The following SUMF1 variants were observed in gnomAD, a reference collection of about 807,000 sequenced individuals.
SUMF1 encodes the protein formylglycine-generating enzyme.
SUMF1 carries 48 observed loss-of-function variants against 47.6 expected under a neutral mutation model. The ratio of observed to expected loss-of-function variants is 1.01; its 90% confidence interval spans 0.80 to 1.28. SUMF1 has a LOEUF of 1.28. SUMF1 is among the 50% of genes most tolerant of loss of function. SUMF1 has a pLI of 0.00. For missense variants in SUMF1, 571 were observed against 485.4 expected (o/e 1.18, Z -1.66); for synonymous variants, 230 against 192.1 (o/e 1.20, Z -1.63).
At chr3:4,211,157 T>TACAC (rs1559569779) in intron 8 of SUMF1, among the ~76,000 whole-genome samples, 21 of 130,650 alleles carry the variant, frequency 1.6e-4, no homozygotes, top group African/African-American at 6.1e-4. Context: ...TACATATATA[T>TACAC]ACATATATAT....
chr3:4,313,770 G>A, intron 8 of SUMF1: 1 of 1,613,996 alleles, frequency 6.2e-7, no homozygotes, highest in South Asian at 1.1e-5. Context: ...AGGTGAGTCT[G>A]TTCAGTGATA....
At chr3:4,197,612 TCCC>T (rs975213640) in intron 8 of SUMF1, among the ~76,000 whole-genome samples, 4 of 152,138 alleles carry the variant, frequency 2.6e-5, no homozygotes, top group South Asian at 2.1e-4. Context: ...ATACAGTTGG[TCCC>T]CCAAGGAATG....
chr3:4,466,982 G>A lies in SUMF1; in HGVS notation c.264C>T (p.His88=). 2 of 1,604,134 alleles carry A rather than the reference G, an allele frequency of 1.2e-6. No individual in the cohort carries two copies. Among genetic ancestry groups the A allele is most frequent in the Non-Finnish European group, 1.7e-6 (2 of 1,176,920 alleles). ...GGAGGAATCGATGGAGCACCTTTGA[G>A]TGCGCGAGTTGCCGCTCTCCGGGTA... is the stretch of plus-strand genomic sequence containing the variant. ...GPVPGERQLA[H]SKMVPIPAGV... The change falls in exon 1 of 9, where the codon CAC becomes CAT. Residue 88 remains histidine, a synonymous_variant. Transcript: ENST00000272902.
intron 9 of SUMF1, among the ~76,000 whole-genome samples, chr3:4,065,780 A>T (rs1271996484): frequency 6.6e-6 from 1 of 152,144 alleles, no homozygotes; most frequent in East Asian, 1.9e-4. Flanking sequence ...GTCCCAGCAG[A>T]GTTTAAAGTC....
At chr3:4,237,221 T>G (rs1575006055) in intron 8 of SUMF1, among the ~76,000 whole-genome samples, 1 of 152,274 alleles carries the variant, frequency 6.6e-6, no homozygotes, top group Non-Finnish European at 1.5e-5. Flanking sequence ...TTTTGCACAG[T>G]GGCTGTACCA....
intron 8 of SUMF1, among the ~76,000 whole-genome samples, chr3:4,324,147 A>G (rs1358548336): frequency 6.6e-6 from 1 of 152,198 alleles, no homozygotes; most frequent in Non-Finnish European, 1.5e-5. Context: ...ATGTTTGAAC[A>G]TGATACATAC....
At chr3:4,404,900 C>T (rs1459725287) in intron 7 of SUMF1, among the ~76,000 whole-genome samples, 1 of 152,168 alleles carries the variant, frequency 6.6e-6, no homozygotes, top group East Asian at 1.9e-4. Flanking sequence ...AATGATGAGG[C>T]TGTTGATGGG....
intron 8 of SUMF1, chr3:4,303,818 G>A (rs1396371570): frequency 7.3e-7 from 1 of 1,374,240 alleles, no homozygotes; most frequent in South Asian, 1.2e-5. Flanking sequence ...AACTCAAGGA[G>A]GCATCACGGG....
intron 8 of SUMF1, chr3:4,316,099 A>G (rs1698631533): frequency 4.0e-6 from 2 of 495,180 alleles, no homozygotes; most frequent in Non-Finnish European, 7.2e-6. Context: ...GGAATTTGGT[A>G]TTTGATATTG....
intron 8 of SUMF1, among the ~76,000 whole-genome samples, chr3:4,171,899 A>G (rs141760635): frequency 6.6e-6 from 1 of 152,226 alleles, no homozygotes; most frequent in African/African-American, 2.4e-5. Context: ...TAGTCCAACC[A>G]CGATATCCTT....
intron 8 of SUMF1, among the ~76,000 whole-genome samples, chr3:4,278,231 T>C (rs1159572552): frequency 1.3e-5 from 2 of 152,100 alleles, no homozygotes; most frequent in Non-Finnish European, 2.9e-5. Flanking sequence ...TGGCATGTTC[T>C]ATAATTTATC....
intron 8 of SUMF1, among the ~76,000 whole-genome samples, chr3:4,093,223 C>T (rs1462587239): frequency 1.3e-5 from 2 of 152,058 alleles, no homozygotes; most frequent in Non-Finnish European, 2.9e-5. Flanking sequence ...AAGGTAATAC[C>T]TAGCACATAG....
At chr3:4,255,078 A>C (rs984768170) in intron 8 of SUMF1, among the ~76,000 whole-genome samples, 1 of 150,682 alleles carries the variant, frequency 6.6e-6, no homozygotes, top group South Asian at 2.1e-4. Context: ...AGATTTTGTC[A>C]CCACCAGGCC....
chr3:4,430,048 A>G (rs1211246036), intron 3 of SUMF1, among the ~76,000 whole-genome samples: 1 of 152,218 alleles, frequency 6.6e-6, no homozygotes, highest in African/African-American at 2.4e-5. Flanking sequence ...TAAATGGGAA[A>G]ATAGGCCCTG....
At chr3:4,367,852 C>G (rs1209447274) in intron 8 of SUMF1, among the ~76,000 whole-genome samples, 1 of 151,582 alleles carries the variant, frequency 6.6e-6, no homozygotes, top group Admixed American at 6.6e-5. Context: ...GGATTAAAGA[C>G]TTAAACGTTA....
chr3:4,447,200 A>G (rs1036931438), intron 3 of SUMF1, among the ~76,000 whole-genome samples: 3 of 152,228 alleles, frequency 2.0e-5, no homozygotes, highest in Non-Finnish European at 4.4e-5. Flanking sequence ...TTTTTTTAAA[A>G]AAAAAGGAGA....
intron 8 of SUMF1, among the ~76,000 whole-genome samples, chr3:4,368,368 GAC>G (rs1559250619): frequency 6.6e-6 from 1 of 152,188 alleles, no homozygotes; most frequent in Non-Finnish European, 1.5e-5. Context: ...GAGAAATAGA[GAC>G]ACTTTTGCAC....
intron 7 of SUMF1, among the ~76,000 whole-genome samples, chr3:4,403,766 G>T (rs1027652747): frequency 6.6e-6 from 1 of 152,194 alleles, no homozygotes; most frequent in African/African-American, 2.4e-5. Flanking sequence ...TCACCAAGAA[G>T]CTTTTAGCAA....
chr3:4,358,360 AAAC>A (rs34641512), downstream of SUMF1, among the ~76,000 whole-genome samples: 3 of 151,538 alleles, frequency 2.0e-5, no homozygotes, highest in African/African-American at 7.3e-5. Context: ...AGAGTTCCTA[AAAC>A]AACAACAACA....
Sources: allele counts gnomAD v4.1 joint callset (sites outside exome capture counted in the v4.1 genomes callset), GRCh38; gene constraint gnomAD v4.1.1; transcripts MANE v1.5; gene names NCBI Gene and HGNC (gene_info 2026-07-23, HGNC 2026-07-21).